DNAH5: variants seen among roughly 807,000 people sequenced by gnomAD.
The protein encoded by DNAH5 is dynein axonemal heavy chain 5, also known as axonemal beta dynein heavy chain 5.
In DNAH5, 372 loss-of-function variants were observed where a neutral mutation model predicts 518.2. The ratio of observed to expected loss-of-function variants is 0.72; its 90% CI spans 0.66 to 0.78. The LOEUF is 0.78. Among genes scored for constraint, DNAH5 ranks in the 30% least tolerant of loss-of-function variants. The pLI is 0.00. For missense variants in DNAH5, 5,523 were observed against 5,687.0 expected, an observed-to-expected ratio of 0.97 and a Z score of 0.93; for synonymous variants, 2,039 against 2,025.9, an observed-to-expected ratio of 1.01 and a Z score of -0.17.
intron 1 of DNAH5, among the ~76,000 whole-genome samples, chr5:14,003,496 G>GTCCT (rs1371003539): frequency 6.6e-6 from 1 of 152,294 alleles, no homozygotes; most frequent in East Asian, 1.9e-4. Context: ...AGGCAAATTA[G>GTCCT]TCCTTCCTCC....
At position 13,888,096 on chromosome 5, in the gene DNAH5, T is replaced by C. The variant is rs527327190; in HGVS notation, c.2578-1967A>G. Among the ~76,000 whole-genome samples, 6 of 152,300 alleles carry C rather than the reference T, an allele frequency of 3.9e-5. 1 individual carries two copies. In the East Asian group the frequency reaches 1.2e-3, roughly 29 times the overall value. On this transcript the variant is annotated intron_variant, in intron 17 of 78. Coordinates refer to ENST00000265104, the MANE Select transcript of DNAH5 (RefSeq NM_001369.3). Reference sequence around the variant, plus strand: ...ACACGGGGACTCAAACAACTCCCACTGCCCTCATGCAGAAGACAAATCGGC... The same window carrying C: ...ACACGGGGACTCAAACAACTCCCACCGCCCTCATGCAGAAGACAAATCGGC...
chr5:13,791,906 G>T, intron 50 of DNAH5, 88 bp downstream of exon 50: 1 of 1,178,048 alleles, frequency 8.5e-7, no homozygotes, highest in Non-Finnish European at 1.2e-6. Context: ...TATGTTCACA[G>T]TTCAAGTAAA....
intron 69 of DNAH5, among the ~76,000 whole-genome samples, chr5:13,728,910 G>C (rs1276355630): frequency 6.6e-6 from 1 of 152,114 alleles, no homozygotes; most frequent in Non-Finnish European, 1.5e-5. Flanking sequence ...GCTGATTCTA[G>C]AAAGATGATA....
chr5:13,721,978 A>G (rs1454372999), intron 70 of DNAH5, among the ~76,000 whole-genome samples: 2 of 151,966 alleles, frequency 1.3e-5, no homozygotes, highest in African/African-American at 4.9e-5. Context: ...CACCTTCTAA[A>G]TAATTAAATT....
At chr5:13,757,418 C>A (rs1244328271) in intron 61 of DNAH5, among the ~76,000 whole-genome samples, 2 of 152,154 alleles carry the variant, frequency 1.3e-5, no homozygotes, top group Non-Finnish European at 2.9e-5. Context: ...GAGATGGTAA[C>A]TGATTGTGGT....
intron 1 of DNAH5, among the ~76,000 whole-genome samples, chr5:13,965,984 C>A (rs925566343): frequency 1.5e-4 from 23 of 151,748 alleles, no homozygotes; most frequent in Admixed American, 1.4e-3. Flanking sequence ...CCCTCACCCC[C>A]CTCCCATCCT....
At chr5:13,967,062 AT>A (rs1781574825) in intron 1 of DNAH5, among the ~76,000 whole-genome samples, 1 of 152,058 alleles carries the variant, frequency 6.6e-6, no homozygotes, top group African/African-American at 2.4e-5. Flanking sequence ...GGGTTTTGCC[AT>A]GTTGGCTAGG....
chr5:13,725,994 C>T (rs1399686192), intron 70 of DNAH5, among the ~76,000 whole-genome samples: 1 of 152,178 alleles, frequency 6.6e-6, no homozygotes, highest in Non-Finnish European at 1.5e-5. Context: ...TCTCAGGAGA[C>T]ACACTCGGAC....
chr5:13,878,428 C>T (rs1192398287), intron 21 of DNAH5, among the ~76,000 whole-genome samples: 1 of 152,180 alleles, frequency 6.6e-6, no homozygotes, highest in Non-Finnish European at 1.5e-5. Context: ...CTGGCACCCC[C>T]CCGCCTAGTG....
chr5:13,922,003 A>T (rs997958148), intron 5 of DNAH5, 104 bp downstream of exon 5: 1 of 1,266,922 alleles, frequency 7.9e-7, no homozygotes, highest in Non-Finnish European at 1.1e-6. Context: ...TGAAGAACTG[A>T]AACATAGAGG....
chr5:13,811,908 T>A (rs1390064218), intron 43 of DNAH5, 85 bp from the exon 44 acceptor site: 2 of 1,191,378 alleles, frequency 1.7e-6, no homozygotes, highest in African/African-American at 1.5e-5. Context: ...TTTAAAAGTA[T>A]CTGTTAATAA....
intron 65 of DNAH5, 93 bp downstream of exon 65, chr5:13,750,985 C>A: frequency 1.5e-6 from 2 of 1,364,358 alleles, no homozygotes; most frequent in Non-Finnish European, 2.1e-6. Flanking sequence ...AGGAGAGAAA[C>A]TCAGTCCTAT....
intron 62 of DNAH5, 124 bp from the exon 63 acceptor site, chr5:13,753,673 T>G (rs1397109823): frequency 3.3e-6 from 3 of 897,216 alleles, no homozygotes; most frequent in Non-Finnish European, 3.3e-6. Context: ...CAAATCAAAC[T>G]GGAGGCACAA....
intron 60 of DNAH5, 132 bp from the exon 61 acceptor site, chr5:13,759,115 A>C: frequency 8.2e-7 from 1 of 1,223,528 alleles, no homozygotes. Flanking sequence ...ATCCTTTCAA[A>C]TCACATTAAG....
chr5:13,913,094 A>G lies in DNAH5; in HGVS notation c.1536+649T>C, dbSNP rs920835177. Among the ~76,000 whole-genome samples, 2 of 152,018 alleles carry G rather than the reference A, an allele frequency of 1.3e-5. 1 individual carries two copies. The highest frequency in any genetic ancestry group is 4.1e-4 in the South Asian group (2 of 4,832). Reference sequence around the variant, plus strand: ...AAGTACCAAAAAAAATTTAAGATTTAGTGTCACTGTCCCCCAAAAAAGAAA... The same window carrying G: ...AAGTACCAAAAAAAATTTAAGATTTGGTGTCACTGTCCCCCAAAAAAGAAA... On this transcript the variant is annotated intron_variant, in intron 11 of 78. Coordinates refer to ENST00000265104, the MANE Select transcript of DNAH5 (RefSeq NM_001369.3).
rs1212362365 is a variant in DNAH5 at position 13,829,528 on chromosome 5, C to G, written c.6426G>C (p.Glu2142Asp). ...GACACACCTGCTTAGAAAGCTGCTC[C>G]TCACACAGTTTGTAGAGCGTGAAAA... ...RKFFTLYKLCEEQLSKQVHYD... is the reference protein window; with the variant it reads ...RKFFTLYKLCDEQLSKQVHYD... Residue 2142 changes from glutamate (E) to aspartate (D), a missense_variant, in exon 38 of 79, where the codon GAG (glutamate) becomes GAC (aspartate). By Grantham distance (45) the Glu-to-Asp change is conservative. Transcript: ENST00000265104. 1.2e-6 allele frequency: 2 copies of G among 1,614,068 alleles called. No homozygotes were observed. Among genetic ancestry groups the G allele is most frequent in the Non-Finnish European group, 1.7e-6 (2 of 1,180,042 alleles).
intron 47 of DNAH5, among the ~76,000 whole-genome samples, chr5:13,806,193 G>C (rs561270683): frequency 6.6e-6 from 1 of 152,008 alleles, no homozygotes; most frequent in South Asian, 2.1e-4. Context: ...CACATATAAC[G>C]TTAGCATCTT....
Position 13,920,554 on chromosome 5 carries a change from T to A in DNAH5, c.724A>T (p.Thr242Ser). Residue 242 changes from threonine (T) to serine (S), a missense_variant, in exon 6 of 79, where the codon ACT becomes TCT. Coordinates refer to ENST00000265104, the MANE Select transcript of DNAH5 (RefSeq NM_001369.3). ...KTLKEPTDYL[T>S]LANNPETLGK... is the part of the protein sequence containing the mutation. ...AAAGTCTCAGGGTTATTTGCTAGAG[T>A]CAAGTAGTCCGTAGGTTCCTTTAGG... 6.2e-7 allele frequency: 1 copy of A among 1,614,166 alleles called. No homozygotes were observed. The highest frequency in any genetic ancestry group is 8.5e-7 in the Non-Finnish European group (1 of 1,179,994).
chr5:13,901,932 C>A (rs1004963094), intron 13 of DNAH5, 121 bp downstream of exon 13: 9 of 743,412 alleles, frequency 1.2e-5, no homozygotes, highest in African/African-American at 1.1e-4. Flanking sequence ...ACCTTGTGAC[C>A]CAAATTGCCA....
Sources: gnomAD v4.1 joint callset for allele counts (sites outside exome capture counted in the v4.1 genomes callset) on GRCh38, gnomAD v4.1.1 for gene constraint, MANE v1.5 for transcripts, NCBI Gene and HGNC (gene_info 2026-07-23, HGNC 2026-07-21) for gene names.